Variants in MAN1A2 observed in about 807,000 individuals in gnomAD.
MAN1A2 encodes the protein mannosyl-oligosaccharide 1,2-alpha-mannosidase IB.
In MAN1A2, 26 loss-of-function variants were observed where a neutral mutation model predicts 75.7. That is an observed-to-expected ratio of 0.34 (90% confidence interval 0.25 to 0.48). The LOEUF is 0.48. Ranked by LOEUF, MAN1A2 falls within the 20% of genes least tolerant of loss-of-function variation. MAN1A2 has a pLI of 0.99. For synonymous variants in MAN1A2, 247 were observed against 264.6 expected (o/e 0.93, Z 0.65); for missense variants, 562 against 775.5 (o/e 0.72, Z 3.27).
At chr1:117,478,845 G>C (rs890167742) in intron 8 of MAN1A2, among the ~76,000 whole-genome samples, 2 of 151,824 alleles carry the variant, frequency 1.3e-5, no homozygotes, top group Non-Finnish European at 2.9e-5. Context: ...AATAGTGTTA[G>C]CCTTCCAAAT....
chr1:117,398,567 G>T (rs1647293963), intron 1 of MAN1A2, among the ~76,000 whole-genome samples: 1 of 152,000 alleles, frequency 6.6e-6, no homozygotes, highest in Non-Finnish European at 1.5e-5. Context: ...CCAGCTTGTT[G>T]GGAGGCTGAA....
intron 1 of MAN1A2, among the ~76,000 whole-genome samples, chr1:117,391,975 T>C (rs1289981245): frequency 1.1e-4 from 16 of 152,164 alleles, no homozygotes; most frequent in African/African-American, 3.9e-4. Flanking sequence ...CTTCTCTGTA[T>C]CTACTTTAAA....
chr1:117,458,217 G>A, intron 6 of MAN1A2, among the ~76,000 whole-genome samples: 1 of 151,848 alleles, frequency 6.6e-6, no homozygotes. Context: ...CTCTCTCACA[G>A]CATAGTAAAC....
At chr1:117,385,905 T>C (rs1653509790) in intron 1 of MAN1A2, among the ~76,000 whole-genome samples, 1 of 152,202 alleles carries the variant, frequency 6.6e-6, no homozygotes, top group Non-Finnish European at 1.5e-5. Context: ...TTAATGAGCA[T>C]TGGTTATGGC....
intron 4 of MAN1A2, among the ~76,000 whole-genome samples, chr1:117,417,817 G>A (rs1387954872): frequency 1.3e-5 from 2 of 151,306 alleles, no homozygotes; most frequent in African/African-American, 2.4e-5. Flanking sequence ...TTTCAGACAA[G>A]GAGTCATGGC....
chr1:117,410,955 A>G (rs965260481), intron 3 of MAN1A2, among the ~76,000 whole-genome samples: 9 of 151,982 alleles, frequency 5.9e-5, no homozygotes, highest in African/African-American at 2.2e-4. Context: ...GAGAAATTTA[A>G]AAGGACTTAA....
intron 6 of MAN1A2, among the ~76,000 whole-genome samples, chr1:117,445,876 G>A (rs1386388827): frequency 0.27 from 24,122 of 90,618 alleles, 3,718 homozygotes; most frequent in East Asian, 0.42. Flanking sequence ...GTGTGTGTCT[G>A]TGTGTGTGTA....
At chr1:117,428,059 G>A (rs1648435139) in intron 5 of MAN1A2, among the ~76,000 whole-genome samples, 2 of 150,762 alleles carry the variant, frequency 1.3e-5, no homozygotes, top group Non-Finnish European at 2.9e-5. Flanking sequence ...TTGCAGACAC[G>A]TATAGCTTAA....
chr1:117,514,253 C>G (rs1192860532), intron 12 of MAN1A2, among the ~76,000 whole-genome samples: 1 of 151,750 alleles, frequency 6.6e-6, no homozygotes, highest in Non-Finnish European at 1.5e-5. Flanking sequence ...ATCTCAGCTA[C>G]TTAGGAGGCT....
chr1:117,518,040 A>G (rs763217683), intron 12 of MAN1A2, among the ~76,000 whole-genome samples: 1 of 152,050 alleles, frequency 6.6e-6, no homozygotes, highest in African/African-American at 2.4e-5. Flanking sequence ...TCTTTATATC[A>G]TGACAGTTCA....
intron 11 of MAN1A2, 70 bp downstream of exon 11, chr1:117,499,624 C>A: frequency 8.1e-7 from 1 of 1,233,442 alleles, no homozygotes; most frequent in Non-Finnish European, 1.1e-6. Flanking sequence ...GCCACATACC[C>A]TCACCCATGT....
chr1:117,509,632 A>G (rs767684138), intron 12 of MAN1A2, among the ~76,000 whole-genome samples: 4 of 152,072 alleles, frequency 2.6e-5, no homozygotes, highest in African/African-American at 7.2e-5. Context: ...CATGCAATCA[A>G]TGTGTTTGTT....
Position 117,528,743 on chromosome 1 carries a change from A to G in MAN1A2, c.*5786A>G, listed in dbSNP as rs1054879468. On this transcript the variant is annotated 3_prime_UTR_variant, in exon 13 of 13. Transcript: ENST00000356554. ...TAAACTAATAAGTGGGGTAAGTATA[A>G]TCTCCTAAATTGGTACCCACTGGCT... 2.0e-5 allele frequency: 3 copies of G among 152,096 alleles called. No homozygotes were observed. Among genetic ancestry groups the G allele is most frequent in the Non-Finnish European group, 2.9e-5 (2 of 68,002 alleles). 9.4% of individuals were successfully genotyped at this position (152,096 alleles called of 1,614,324 possible).
chr1:117,483,094 C>CTA (rs1650550283), intron 8 of MAN1A2, among the ~76,000 whole-genome samples: 1 of 152,002 alleles, frequency 6.6e-6, no homozygotes, highest in Admixed American at 6.6e-5. Flanking sequence ...TTCCATTGGT[C>CTA]TATATATCTG....
chr1:117,493,749 C>T (rs567511810), intron 9 of MAN1A2: 1 of 152,202 alleles, frequency 6.6e-6, no homozygotes, highest in East Asian at 1.9e-4. Context: ...TCATTGTACT[C>T]CAGCCTGGGT....
At chr1:117,470,910 A>T (rs182920565) in intron 8 of MAN1A2, among the ~76,000 whole-genome samples, 1 of 152,132 alleles carries the variant, frequency 6.6e-6, no homozygotes, top group African/African-American at 2.4e-5. Flanking sequence ...TGTGACATGC[A>T]CATAGCAATC....
intron 8 of MAN1A2, among the ~76,000 whole-genome samples, chr1:117,473,232 C>T (rs917170873): frequency 2.0e-5 from 3 of 151,904 alleles, no homozygotes; most frequent in African/African-American, 4.8e-5. Context: ...TGCCATAAAT[C>T]TTGTTGTCAT....
At chr1:117,446,964 T>TA (rs1459411892) in intron 6 of MAN1A2, among the ~76,000 whole-genome samples, 2 of 152,156 alleles carry the variant, frequency 1.3e-5, no homozygotes, top group African/African-American at 4.8e-5. Context: ...CTTAAGTACT[T>TA]ACACGTTTAT....
chr1:117,450,801 G>A lies in MAN1A2; in HGVS notation c.950+8476G>A, dbSNP rs138645712. 8.3e-3 allele frequency among the ~76,000 whole-genome samples: 1,264 copies of A among 152,256 alleles called. 10 individuals are homozygous for A. The highest frequency in any genetic ancestry group is 0.029 in the African/African-American group (1,204 of 41,540). ...CCAGTGCACAGAAGTCAAGAATTGGGGTTTGGGAACCTCTGCCTAGATTTC... is the reference window on the plus strand; with the variant it reads ...CCAGTGCACAGAAGTCAAGAATTGGAGTTTGGGAACCTCTGCCTAGATTTC... On this transcript the variant is annotated intron_variant, in intron 6 of 12. Transcript: ENST00000356554.
Sources: allele counts gnomAD v4.1 joint callset (sites outside exome capture counted in the v4.1 genomes callset), GRCh38; gene constraint gnomAD v4.1.1; transcripts MANE v1.5; gene names NCBI Gene and HGNC (gene_info 2026-07-23, HGNC 2026-07-21).